Variants in VMP1 observed in about 807,000 individuals in gnomAD.
VMP1 encodes vacuole membrane protein 1, also known as ectopic P-granules autophagy protein 3 homolog.
A neutral mutation model predicts 56.0 loss-of-function variants in VMP1; 11 were observed. The ratio of observed to expected loss-of-function variants is 0.20; its 90% CI spans 0.12 to 0.32. VMP1 has a LOEUF of 0.32. VMP1 is among the 10% of genes least tolerant of loss of function. VMP1 has a pLI of 1.00. For synonymous variants in VMP1, 149 were observed against 165.0 expected, an observed-to-expected ratio of 0.90 and a Z score of 0.74; for missense variants, 296 against 490.3, an observed-to-expected ratio of 0.60 and a Z score of 3.74.
At chr17:59,752,704 C>T (rs1049170059) in intron 5 of VMP1, among the ~76,000 whole-genome samples, 33 of 152,202 alleles carry the variant, frequency 2.2e-4, no homozygotes, top group African/African-American at 7.9e-4. Context: ...TACAAGATTG[C>T]AACCATTTTG....
At chr17:59,717,786 G>A (rs1256235600) in intron 1 of VMP1, among the ~76,000 whole-genome samples, 12 of 152,102 alleles carry the variant, frequency 7.9e-5, no homozygotes, top group Non-Finnish European at 1.5e-4. Context: ...TAGGCATGGT[G>A]GTGCGTGCCT....
intron 7 of VMP1, among the ~76,000 whole-genome samples, chr17:59,788,189 G>T (rs2037073648): frequency 6.6e-6 from 1 of 152,046 alleles, no homozygotes; most frequent in Non-Finnish European, 1.5e-5. Context: ...TTGCACATTG[G>T]AGTAGAAAAT....
intron 4 of VMP1, 49 bp from the exon 5 acceptor site, chr17:59,738,788 C>G: frequency 7.9e-7 from 1 of 1,267,134 alleles, no homozygotes. Context: ...ATAAATACCG[C>G]ATTTCTGTAT....
intron 5 of VMP1, among the ~76,000 whole-genome samples, chr17:59,762,054 T>A (rs984125875): frequency 6.6e-6 from 1 of 152,180 alleles, no homozygotes; most frequent in African/African-American, 2.4e-5. Flanking sequence ...TCCCTTCTCT[T>A]AGTAATCAAA....
At chr17:59,831,612 A>ATTTT (rs34016289) in intron 10 of VMP1, among the ~76,000 whole-genome samples, 236 of 132,890 alleles carry the variant, frequency 1.8e-3, no homozygotes, top group Middle Eastern at 3.8e-3. Flanking sequence ...TTTTGAATGG[A>ATTTT]TTTTTTTTTT....
intron 8 of VMP1, among the ~76,000 whole-genome samples, chr17:59,809,682 A>G (rs2037987324): frequency 6.7e-6 from 1 of 149,192 alleles, no homozygotes; most frequent in South Asian, 2.1e-4. Context: ...AATTTTTTGT[A>G]TTTTTAGTAG....
intron 7 of VMP1, among the ~76,000 whole-genome samples, chr17:59,799,476 C>T (rs975271035): frequency 6.6e-6 from 1 of 152,114 alleles, no homozygotes; most frequent in African/African-American, 2.4e-5. Context: ...AATGGGTTTG[C>T]ATTTTGTTAT....
intron 1 of VMP1, among the ~76,000 whole-genome samples, chr17:59,722,684 A>G (rs1349464542): frequency 6.6e-6 from 1 of 152,172 alleles, no homozygotes; most frequent in Non-Finnish European, 1.5e-5. Flanking sequence ...CTACTAAAAA[A>G]TACAAAAAAA....
intron 7 of VMP1, among the ~76,000 whole-genome samples, chr17:59,795,482 A>G (rs1346472977): frequency 6.7e-6 from 1 of 150,296 alleles, no homozygotes; most frequent in Non-Finnish European, 1.5e-5. Flanking sequence ...GCCCCCTTAC[A>G]TCTTTGATAT....
chr17:59,722,997 C>T (rs11869228), intron 1 of VMP1, among the ~76,000 whole-genome samples: 129,970 of 152,192 alleles, frequency 0.85, 55,618 homozygotes, highest in East Asian at 0.95. Context: ...TAATTTTTGA[C>T]TTAGTTTGGA....
At chr17:59,736,596 TA>T (rs947427251) in intron 3 of VMP1, among the ~76,000 whole-genome samples, 5 of 151,378 alleles carry the variant, frequency 3.3e-5, no homozygotes, top group Admixed American at 1.3e-4. Context: ...ATACAAAAAT[TA>T]GCCGGGCATG....
At chr17:59,806,777 C>A (rs2037857417) in intron 7 of VMP1, among the ~76,000 whole-genome samples, 1 of 151,134 alleles carries the variant, frequency 6.6e-6, no homozygotes, top group Non-Finnish European at 1.5e-5. Context: ...AGTCTAATCC[C>A]AAAAAGAAAA....
At chr17:59,776,829 C>G (rs1046036315) in intron 7 of VMP1, among the ~76,000 whole-genome samples, 28 of 152,184 alleles carry the variant, frequency 1.8e-4, no homozygotes, top group Non-Finnish European at 3.5e-4. Flanking sequence ...TGGCTTGCAG[C>G]TATACATTTT....
intron 10 of VMP1, among the ~76,000 whole-genome samples, chr17:59,837,027 C>G (rs769350881): frequency 6.6e-6 from 1 of 151,608 alleles, no homozygotes; most frequent in Non-Finnish European, 1.5e-5. Context: ...TGGTGAAACC[C>G]CATCTCTACT....
chr17:59,746,191 G>A (rs916035602), intron 5 of VMP1, among the ~76,000 whole-genome samples: 1 of 152,084 alleles, frequency 6.6e-6, no homozygotes, highest in Non-Finnish European at 1.5e-5. Context: ...TATTTATTGA[G>A]ATAGCATCTC....
chr17:59,819,035 T>G (rs2038347695), intron 10 of VMP1, among the ~76,000 whole-genome samples: 1 of 152,160 alleles, frequency 6.6e-6, no homozygotes, highest in South Asian at 2.1e-4. Flanking sequence ...TTCTATGTAT[T>G]GTAATAAAAT....
intron 7 of VMP1, 117 bp downstream of exon 7, chr17:59,774,002 AG>A: frequency 2.0e-6 from 2 of 994,646 alleles, no homozygotes; most frequent in Non-Finnish European, 2.7e-6. Context: ...AAAAAAAAAA[AG>A]AAAGAAAAAT....
rs1046766751 is a variant in VMP1 at position 59,840,347 on chromosome 17, T to C, written c.*436T>C. 1 of 165,602 alleles carries C rather than the reference T, an allele frequency of 6.0e-6. No individual in the cohort carries two copies. The highest frequency in any genetic ancestry group is 2.4e-5 in the African/African-American group (1 of 41,528). The allele number at this position is 165,602 out of a possible 1,614,324, so 10.3% of individuals were successfully genotyped here. A position where few individuals can be genotyped will look rare whatever the true frequency, so the allele number is the denominator to read the frequency against. ...ATAAATTATCTAGATTGGATAACAG[T>C]CTTGCATGTTTATCATGTTACAATT... is the stretch of plus-strand genomic sequence containing the variant. On this transcript the variant is annotated 3_prime_UTR_variant, in exon 12 of 12. Transcript: ENST00000262291.
intron 10 of VMP1, among the ~76,000 whole-genome samples, chr17:59,835,115 GT>G (rs959046838): frequency 1.3e-5 from 2 of 151,102 alleles, no homozygotes; most frequent in African/African-American, 2.4e-5. Context: ...AGGCTGTTTT[GT>G]TTTTTTGCTT....
Sources: gnomAD v4.1 joint callset for allele counts (sites outside exome capture counted in the v4.1 genomes callset) on GRCh38, gnomAD v4.1.1 for gene constraint, MANE v1.5 for transcripts, NCBI Gene and HGNC (gene_info 2026-07-23, HGNC 2026-07-21) for gene names.